The following FBN3 variants were observed in gnomAD, a reference collection of about 807,000 sequenced individuals.
FBN3 encodes fibrillin 3, also known as fibrillin-3.
A neutral mutation model predicts 330.1 loss-of-function variants in FBN3; 234 were observed. The ratio of observed to expected loss-of-function variants is 0.71; its 90% CI spans 0.64 to 0.79. The LOEUF (loss-of-function observed/expected upper bound fraction) is 0.79. FBN3 is among the 30% of genes least tolerant of loss of function. The pLI, the probability that FBN3 is intolerant of heterozygous loss-of-function variation, is 0.00. For missense variants in FBN3, 3,606 were observed against 3,886.9 expected, an observed-to-expected ratio of 0.93 and a Z score of 1.92; for synonymous variants, 1,458 against 1,517.3, an observed-to-expected ratio of 0.96 and a Z score of 0.91.
In FBN3 at chr19:8,111,967, A is replaced by C; in HGVS notation, c.3961+10T>G. The C allele has an allele frequency of 1.5e-6, 2 of 1,313,772 alleles. No homozygotes were observed. The highest frequency in any genetic ancestry group is 2.1e-6 in the Non-Finnish European group (2 of 970,426). The allele number at this position is 1,313,772 out of a possible 1,614,324, so 81.4% of individuals were successfully genotyped here. A position where few individuals can be genotyped will look rare whatever the true frequency, so the allele number is the denominator to read the frequency against. On this transcript the variant is annotated intron_variant, in intron 31 of 63. Transcript: ENST00000600128. Reference sequence around the variant, plus strand: ...TGCTTTGCCCCCACTCCCTGCCCCCAGGTACTCACCGTGACATTCGAAGCC... The same window carrying C: ...TGCTTTGCCCCCACTCCCTGCCCCCCGGTACTCACCGTGACATTCGAAGCC...
At chr19:8,135,936 G>GGGGGGGGGGGGGGGGGGCC in intron 13 of FBN3, 25 bp downstream of exon 13, 61 of 668,756 alleles carry the variant, frequency 9.1e-5, no homozygotes, top group Non-Finnish European at 1.3e-4. Context: ...GGAAGCCCCT[G>GGGGGGGGGGGGGGGGGGCC]CCCACCCGCC....
chr19:8,068,078 T>C (rs1333206812), intron 63 of FBN3, among the ~76,000 whole-genome samples: 3 of 151,434 alleles, frequency 2.0e-5, no homozygotes, highest in African/African-American at 7.3e-5. Flanking sequence ...AAAAAGAAAA[T>C]AAATTGATTT....
At chr19:8,090,033 GAGA>G (rs1453887043) in intron 49 of FBN3, 63 bp downstream of exon 49, 2 of 1,600,366 alleles carry the variant, frequency 1.2e-6, no homozygotes, top group Non-Finnish European at 1.7e-6. Flanking sequence ...GGAAGGATGA[GAGA>G]AGAATGAGAG....
rs746590509 is a variant in FBN3 at position 8,123,782 on chromosome 19, A to G, written c.2956+2T>C. On this transcript the variant is annotated splice_donor_variant, in intron 23 of 63. Transcript: ENST00000600128. LOFTEE classifies it high-confidence loss of function. ...GGGGCCTGACCCCTTCCCCAACCGC[A>G]CCTTTATAGAATGGTCGGCCAGACA... The G allele has an allele frequency of 6.2e-7, 1 of 1,611,822 alleles. No homozygotes were observed. The highest frequency in any genetic ancestry group is 1.1e-5 in the South Asian group (1 of 90,968).
intron 38 of FBN3, 104 bp downstream of exon 38, chr19:8,106,004 T>C (rs2082429153): frequency 7.1e-7 from 1 of 1,408,418 alleles, no homozygotes; most frequent in Non-Finnish European, 9.7e-7. Flanking sequence ...GCAGAAGCCT[T>C]TCCATGAGGC....
chr19:8,085,436 G>C lies in FBN3; in HGVS notation c.7014C>G (p.Leu2338=). The C allele has an allele frequency of 6.3e-7, 1 of 1,580,130 alleles. No homozygotes were observed. Among genetic ancestry groups the C allele is most frequent in the Non-Finnish European group, 8.6e-7 (1 of 1,164,614 alleles). The change falls in exon 56 of 64, where the codon CTC becomes CTG. Residue 2338 remains leucine (L), a synonymous_variant. Transcript: ENST00000600128. ...GGRGWGPRCE[L]CPLPGTSAYR... ...AGGCAGAGGTGCCGGGCAGGGGACA[G>C]AGCTCGCAGCGGGGCCCCCAGCCCC...
At position 8,091,488 on chromosome 19, in the gene FBN3, G is replaced by C. The variant is rs1233920382; in HGVS notation, c.6008C>G (p.Ser2003Cys). The C allele has an allele frequency of 3.7e-6, 6 of 1,614,092 alleles. No homozygotes were observed. The highest frequency in any genetic ancestry group is 4.2e-6 in the Non-Finnish European group (5 of 1,180,050). ...ACCAAAGCAACGGTGCCCATTGTCAGAGAGGACAAAGCCAGGTGGGCAGAG... is the reference window on the plus strand; with the variant it reads ...ACCAAAGCAACGGTGCCCATTGTCACAGAGGACAAAGCCAGGTGGGCAGAG... ...QCLCPPGFVL[S>C]DNGHRCFDTR... Residue 2003 changes from serine (S) to cysteine (C), a missense_variant, in exon 48 of 64, where the codon TCT (serine) becomes TGT (cysteine). Coordinates refer to ENST00000600128, the MANE Select transcript of FBN3 (RefSeq NM_032447.5).
Position 8,138,130 on chromosome 19 carries a change from C to A in FBN3, c.1201+11G>T. On this transcript the variant is annotated intron_variant, in intron 10 of 63. Transcript: ENST00000600128. ...AGTCTTGGAATGTTCCTCCCAAGCC[C>A]CAGGCCTCACCAATATTAGAGTTGC... The A allele has an allele frequency of 6.2e-7, 1 of 1,602,448 alleles. No homozygotes were observed.
chr19:8,072,910 C>CCA (rs59211979), intron 62 of FBN3, among the ~76,000 whole-genome samples, 153 bp downstream of exon 62: 9,072 of 151,334 alleles, frequency 0.06, 900 homozygotes, highest in African/African-American at 0.2. Flanking sequence ...GGGCAAATGC[C>CCA]TGCATGCACA....
At chr19:8,118,695 A>G (rs551556997) in intron 26 of FBN3, among the ~76,000 whole-genome samples, 1 of 152,216 alleles carries the variant, frequency 6.6e-6, no homozygotes, top group South Asian at 2.1e-4. Flanking sequence ...ACACACAAAC[A>G]CACTCCCGCC....
Position 8,121,152 on chromosome 19 carries a change from C to A in FBN3, c.3211+106G>T. The A allele has an allele frequency of 9.2e-7, 1 of 1,083,518 alleles. No homozygotes were observed. The highest frequency in any genetic ancestry group is 1.3e-6 in the Non-Finnish European group (1 of 749,830). The allele number at this position is 1,083,518 out of a possible 1,614,324, so 67.1% of individuals were successfully genotyped here. On this transcript the variant is annotated intron_variant, in intron 25 of 63. Coordinates refer to ENST00000600128, the MANE Select transcript of FBN3 (RefSeq NM_032447.5). This position sits in a 1 kb window ranked among gnomAD's most constrained non-coding sequence, Gnocchi z 4.5. ...AATTTACAGCTCCTCCCTCCTCCTG[C>A]CCCCTCCATCCACGTCCACACAGCA...
chr19:8,102,992 C>A (rs894646766), intron 39 of FBN3, 119 bp from the exon 40 acceptor site: 24 of 1,045,860 alleles, frequency 2.3e-5, no homozygotes, highest in Middle Eastern at 2.5e-4. Context: ...CTTGTCCAGG[C>A]ACAGTGGCTC....
chr19:8,145,991 C>A, intron 4 of FBN3, 53 bp from the exon 5 acceptor site: 1 of 1,512,332 alleles, frequency 6.6e-7, no homozygotes, highest in South Asian at 1.2e-5. Flanking sequence ...CCCCGAGATG[C>A]CCTCCTAGGA....
chr19:8,118,078 C>G (rs894169930), intron 26 of FBN3, among the ~76,000 whole-genome samples: 3 of 150,470 alleles, frequency 2.0e-5, no homozygotes, highest in African/African-American at 7.5e-5. Context: ...TGTGCACACT[C>G]ACACAGACAC....
intron 8 of FBN3, among the ~76,000 whole-genome samples, chr19:8,141,506 G>A (rs2083414796): frequency 6.6e-6 from 1 of 152,148 alleles, no homozygotes; most frequent in Middle Eastern, 3.2e-3. Context: ...GGGAACAGGT[G>A]CACACGTAGC....
chr19:8,111,980 G>T lies in FBN3; in HGVS notation c.3958C>A (p.His1320Asn), dbSNP rs2082598041. 1 of 1,586,176 alleles carries T rather than the reference G, an allele frequency of 6.3e-7. No individual in the cohort carries two copies. The highest frequency in any genetic ancestry group is 8.6e-7 in the Non-Finnish European group (1 of 1,167,168). Residue 1320 changes from histidine (H) to asparagine (N), a missense_variant, in exon 31 of 64, where the codon CAC becomes AAC. Physicochemically the swap from His to Asn is moderately conservative, Grantham distance 68. Coordinates refer to ENST00000600128, the MANE Select transcript of FBN3 (RefSeq NM_032447.5). Reference protein sequence around the residue: ...PGWVGDGFECHDLDECVSQEH... With the variant: ...PGWVGDGFECNDLDECVSQEH... Reference sequence around the variant, plus strand: ...CTCCCTGCCCCCAGGTACTCACCGTGACATTCGAAGCCATCCCCCACCCAG... The same window carrying T: ...CTCCCTGCCCCCAGGTACTCACCGTTACATTCGAAGCCATCCCCCACCCAG...
chr19:8,083,805 C>CT (rs372453716), intron 56 of FBN3, among the ~76,000 whole-genome samples: 8,987 of 134,044 alleles, frequency 0.067, 496 homozygotes, highest in African/African-American at 0.1. Context: ...ACTATTTTTT[C>CT]TTTTTTTTTT....
chr19:8,138,017 T>A, intron 10 of FBN3, 124 bp downstream of exon 10: 1 of 1,110,094 alleles, frequency 9.0e-7, no homozygotes, highest in South Asian at 1.7e-5. Context: ...GGCCAGGAGT[T>A]CCCCCTCCAA....
At chr19:8,070,466 G>T (rs369977933) in intron 63 of FBN3, among the ~76,000 whole-genome samples, 1 of 152,128 alleles carries the variant, frequency 6.6e-6, no homozygotes, top group African/African-American at 2.4e-5. Context: ...AAGAAGCTTC[G>T]ACCTAAATGT....
Sources: allele counts gnomAD v4.1 joint callset (sites outside exome capture counted in the v4.1 genomes callset), GRCh38; gene constraint gnomAD v4.1.1; non-coding constraint Gnocchi (gnomAD v3.1); transcripts MANE v1.5; gene names NCBI Gene and HGNC (gene_info 2026-07-23, HGNC 2026-07-21).